Variants in C17orf99 observed in about 807,000 individuals in gnomAD.
C17orf99 encodes protein IL-40.
A neutral mutation model predicts 22.6 loss-of-function variants in C17orf99; 18 were observed. That is an observed-to-expected ratio of 0.80 (90% CI 0.55 to 1.18). The LOEUF is 1.18. Ranked by LOEUF, C17orf99 falls within the 50% of genes most tolerant of loss-of-function variation. The pLI is 0.00. For missense variants in C17orf99, 328 were observed against 342.7 expected (o/e 0.96, Z 0.34); for synonymous variants, 147 against 136.6 (o/e 1.08, Z -0.53).
chr17:78,161,386 G>A (rs947268171), intron 3 of C17orf99, 132 bp downstream of exon 3: 1 of 776,214 alleles, frequency 1.3e-6, no homozygotes, highest in Non-Finnish European at 2.0e-6. Flanking sequence ...ACAAGGACAG[G>A]CTGCCACCTC....
At chr17:78,165,715 T>G in intron 4 of C17orf99, 174 bp from the exon 5 acceptor site, 1 of 1,043,824 alleles carries the variant, frequency 9.6e-7, no homozygotes, top group South Asian at 4.6e-5. Flanking sequence ...GGCAGGAGAA[T>G]CACTTGAACC....
intron 3 of C17orf99, among the ~76,000 whole-genome samples, chr17:78,161,734 C>T (rs1191624428): frequency 6.6e-6 from 1 of 151,688 alleles, no homozygotes; most frequent in Non-Finnish European, 1.5e-5. Context: ...GTTCCAGCTA[C>T]TCAGGAGGCT....
At chr17:78,153,139 C>T (rs1244103782) in intron 2 of C17orf99, among the ~76,000 whole-genome samples, 1 of 150,560 alleles carries the variant, frequency 6.6e-6, no homozygotes, top group East Asian at 1.9e-4. Flanking sequence ...CAGGCTGATC[C>T]ATAAACTAAA....
intron 2 of C17orf99, 192 bp from the exon 3 acceptor site, chr17:78,160,763 A>G (rs1281159802): frequency 5.1e-6 from 3 of 589,534 alleles, no homozygotes; most frequent in Non-Finnish European, 9.0e-6. Context: ...TTTGTATTTT[A>G]GTAGAGACAG....
intron 2 of C17orf99, chr17:78,157,478 C>T: frequency 7.8e-7 from 1 of 1,287,618 alleles, no homozygotes; most frequent in African/African-American, 1.5e-5. Context: ...AGCGACCTTC[C>T]CAATGCAGTC....
chr17:78,165,871 C>T lies in C17orf99; in HGVS notation c.641-18C>T. On this transcript the variant is annotated intron_variant, in intron 4 of 4. Transcript: ENST00000340363. ...GGAGGTGAGCCTGCCTGACTTGAGTCTCCACTGCTTTGTCAAGGTGGTGAC... is the reference window on the plus strand; with the variant it reads ...GGAGGTGAGCCTGCCTGACTTGAGTTTCCACTGCTTTGTCAAGGTGGTGAC... 4 of 1,314,584 alleles carry T rather than the reference C, an allele frequency of 3.0e-6. No individual in the cohort carries two copies. Among genetic ancestry groups the T allele is most frequent in the Non-Finnish European group, 3.0e-6 (3 of 1,016,622 alleles). The allele number at this position is 1,314,584 out of a possible 1,614,324, so 81.4% of individuals were successfully genotyped here.
chr17:78,162,945 C>G (rs914000391), intron 3 of C17orf99, among the ~76,000 whole-genome samples: 1 of 152,222 alleles, frequency 6.6e-6, no homozygotes, highest in Non-Finnish European at 1.5e-5. Flanking sequence ...GCCCCCATGC[C>G]GGCTAATTTT....
At chr17:78,162,108 T>C (rs2075582628) in intron 3 of C17orf99, among the ~76,000 whole-genome samples, 1 of 151,206 alleles carries the variant, frequency 6.6e-6, no homozygotes, top group Admixed American at 6.6e-5. Flanking sequence ...AAACCCCATC[T>C]CTACTAAAAA....
intron 2 of C17orf99, among the ~76,000 whole-genome samples, chr17:78,156,657 C>T (rs2075527638): frequency 6.6e-6 from 1 of 152,162 alleles, no homozygotes; most frequent in Non-Finnish European, 1.5e-5. Context: ...TTCACCCAGT[C>T]TGGAGTGCAG....
intron 2 of C17orf99, among the ~76,000 whole-genome samples, chr17:78,153,992 C>T (rs2075506418): frequency 7.3e-6 from 1 of 136,268 alleles, no homozygotes; most frequent in Non-Finnish European, 1.5e-5. Flanking sequence ...GCAGCACAAT[C>T]TCCGCTCACT....
chr17:78,160,758 A>G, intron 2 of C17orf99, 197 bp from the exon 3 acceptor site: 1 of 582,580 alleles, frequency 1.7e-6, no homozygotes, highest in Non-Finnish European at 3.1e-6. Context: ...TAATTTTTGT[A>G]TTTTAGTAGA....
chr17:78,157,996 CA>C, intron 2 of C17orf99: 1 of 1,342,294 alleles, frequency 7.4e-7, no homozygotes, highest in Non-Finnish European at 1.0e-6. Context: ...TCCCCAGCAT[CA>C]AAAGGAATGA....
intron 2 of C17orf99, among the ~76,000 whole-genome samples, chr17:78,148,764 G>T (rs1400404292): frequency 6.6e-6 from 1 of 152,204 alleles, no homozygotes; most frequent in Non-Finnish European, 1.5e-5. Context: ...CAGAGGCATG[G>T]TGTGGGGTTG....
chr17:78,154,193 G>A (rs894588123), intron 2 of C17orf99, among the ~76,000 whole-genome samples: 23 of 151,636 alleles, frequency 1.5e-4, no homozygotes, highest in Admixed American at 3.9e-4. Flanking sequence ...CCAAAGTGCT[G>A]GAATGACAGG....
At chr17:78,164,477 T>C in intron 4 of C17orf99, 113 bp downstream of exon 4, 2 of 1,544,648 alleles carry the variant, frequency 1.3e-6, no homozygotes, top group Non-Finnish European at 1.7e-6. Flanking sequence ...CGGCCACTGC[T>C]GAGAGCAGAG....
At chr17:78,165,671 G>A (rs992796067) in intron 4 of C17orf99, 122 of 903,484 alleles carry the variant, frequency 1.4e-4, no homozygotes, top group Middle Eastern at 4.4e-4. Context: ...GCGTGGTGGT[G>A]CGCACCTGTA....
At position 78,165,871 on chromosome 17, in the gene C17orf99, C is replaced by A; in HGVS notation, c.641-18C>A. The A allele has an allele frequency of 7.6e-7, 1 of 1,314,584 alleles. No homozygotes were observed. The highest frequency in any genetic ancestry group is 2.1e-4 in the Middle Eastern group (1 of 4,688). 81.4% of individuals were successfully genotyped at this position (1,314,584 alleles called of 1,614,324 possible). On this transcript the variant is annotated intron_variant, in intron 4 of 4. Transcript: ENST00000340363. ...GGAGGTGAGCCTGCCTGACTTGAGT[C>A]TCCACTGCTTTGTCAAGGTGGTGAC...
rs1181259577 is a variant in C17orf99, at chr17:78,164,260, C to G, written c.536C>G (p.Pro179Arg). The change falls in exon 4 of 5, where the codon CCT (proline) becomes CGT (arginine). Residue 179 changes from proline (P) to arginine (R), a missense_variant. Physicochemically the swap from Pro to Arg is moderately radical, Grantham distance 103. Transcript: ENST00000340363. ...HLQQRPCHRQ[P>R]ANFSFLPSQT... is the part of the protein sequence containing the mutation. ...CAGCAGAGACCATGCCACAGGCAGC[C>G]TGCCAACTTCTCCTTCCTGCCGAGC... is the stretch of plus-strand genomic sequence containing the variant. The G allele has an allele frequency of 1.9e-5, 30 of 1,551,514 alleles. No individual in the cohort carries two copies. The East Asian group carries it at 6.8e-4, about 35-fold the overall frequency.
intron 2 of C17orf99, among the ~76,000 whole-genome samples, chr17:78,150,682 G>T (rs2075475010): frequency 6.6e-6 from 1 of 152,168 alleles, no homozygotes; most frequent in African/African-American, 2.4e-5. Context: ...AAGGCTGCCG[G>T]GATCCACATC....
Sources: gnomAD v4.1 joint callset for allele counts (sites outside exome capture counted in the v4.1 genomes callset) on GRCh38, gnomAD v4.1.1 for gene constraint, MANE v1.5 for transcripts, NCBI Gene and HGNC (gene_info 2026-07-23, HGNC 2026-07-21) for gene names.